The following PLPP3 variants were observed in gnomAD, a reference collection of about 807,000 sequenced individuals.
The protein encoded by PLPP3 is PAP2 beta.
A neutral mutation model predicts 29.6 loss-of-function variants in PLPP3; 6 were observed. The ratio of observed to expected loss-of-function variants is 0.20; its 90% CI spans 0.11 to 0.40. The LOEUF is 0.40. Among genes scored for constraint, PLPP3 ranks in the 10% least tolerant of loss-of-function variants. The pLI, the probability that PLPP3 is intolerant of heterozygous loss-of-function variation, is 1.00. For synonymous variants in PLPP3, 152 were observed against 159.7 expected (o/e 0.95, Z 0.36); for missense variants, 308 against 407.7 (o/e 0.76, Z 2.11).
intron 1 of PLPP3, among the ~76,000 whole-genome samples, chr1:56,574,409 C>G (rs967871603): frequency 6.6e-6 from 1 of 152,090 alleles, no homozygotes; most frequent in Non-Finnish European, 1.5e-5. Context: ...CTTGCACCAC[C>G]ACGCCCGGTT....
chr1:56,512,253 A>C (rs1645746268), intron 4 of PLPP3, 101 bp from the exon 5 acceptor site: 1 of 1,140,762 alleles, frequency 8.8e-7, no homozygotes. Context: ...AACAGGGATC[A>C]TCTGGACCTT....
chr1:56,548,221 C>T (rs945489136), intron 1 of PLPP3, among the ~76,000 whole-genome samples: 2 of 152,170 alleles, frequency 1.3e-5, no homozygotes, highest in African/African-American at 2.4e-5. Context: ...TGTCAATGTT[C>T]CTTTTGTAAA....
intron 5 of PLPP3, among the ~76,000 whole-genome samples, chr1:56,503,832 G>A (rs1458314335): frequency 6.6e-6 from 1 of 152,192 alleles, no homozygotes. Context: ...TCAGGCTGGA[G>A]TGCAGTGCAC....
chr1:56,538,106 A>T (rs1239943844), intron 1 of PLPP3, among the ~76,000 whole-genome samples: 1 of 152,138 alleles, frequency 6.6e-6, no homozygotes, highest in Non-Finnish European at 1.5e-5. Context: ...AGCATGTCAA[A>T]GCCTTGCTAA....
At chr1:56,568,702 T>C (rs940706823) in intron 1 of PLPP3, among the ~76,000 whole-genome samples, 2 of 152,138 alleles carry the variant, frequency 1.3e-5, no homozygotes, top group Non-Finnish European at 2.9e-5. Context: ...CTCGGCTTAC[T>C]GCAACCTCCG....
chr1:56,526,046 TAA>T (rs999672044), intron 2 of PLPP3, among the ~76,000 whole-genome samples: 6 of 152,128 alleles, frequency 3.9e-5, no homozygotes, highest in African/African-American at 1.2e-4. Flanking sequence ...GCTTTATATA[TAA>T]GAGCTACATT....
rs551273463 is a variant in PLPP3 at position 56,495,396 on chromosome 1, T to C, written c.*1155A>G. ...GGATGAGGGAAACTCTCTACCGAGATTTAACCCATATGTTCTGCCCAGCAG... is the reference window on the plus strand; with the variant it reads ...GGATGAGGGAAACTCTCTACCGAGACTTAACCCATATGTTCTGCCCAGCAG... On this transcript the variant is annotated 3_prime_UTR_variant, in exon 6 of 6. Coordinates refer to ENST00000371250, the MANE Select transcript of PLPP3 (RefSeq NM_003713.5). The C allele has an allele frequency of 6.5e-6, 1 of 152,722 alleles. No homozygotes were observed. Among genetic ancestry groups the C allele is most frequent in the East Asian group, 1.9e-4 (1 of 5,168 alleles). 9.5% of individuals were successfully genotyped at this position (152,722 alleles called of 1,614,324 possible).
intron 1 of PLPP3, among the ~76,000 whole-genome samples, chr1:56,565,928 T>C (rs1646158328): frequency 6.6e-6 from 1 of 152,192 alleles, no homozygotes; most frequent in Non-Finnish European, 1.5e-5. Context: ...TCGTTTATTT[T>C]TGCTAATCCA....
In PLPP3 at chr1:56,495,088, A is replaced by G. The variant is rs1184990403; in HGVS notation, c.*1463T>C. 6.6e-6 allele frequency: 1 copy of G among 152,530 alleles called. No individual in the cohort carries two copies. The highest frequency in any genetic ancestry group is 1.5e-5 in the Non-Finnish European group (1 of 68,026). 9.4% of individuals were successfully genotyped at this position (152,530 alleles called of 1,614,324 possible). A position where few individuals can be genotyped will look rare whatever the true frequency, so the allele number is the denominator to read the frequency against. ...ATAGTGGATATAGCTAAATTGTTTC[A>G]GAAATAATATCTTACATAGTTAACT... On this transcript the variant is annotated 3_prime_UTR_variant, in exon 6 of 6. Transcript: ENST00000371250.
At chr1:56,557,081 TGAGAGA>T (rs1304541221) in intron 1 of PLPP3, among the ~76,000 whole-genome samples, 5 of 106,944 alleles carry the variant, frequency 4.7e-5, no homozygotes, top group Non-Finnish European at 5.9e-5. Context: ...AAAGAAAAAA[TGAGAGA>T]GAGAGAAAGA....
chr1:56,573,929 C>T (rs1278831517), intron 1 of PLPP3, among the ~76,000 whole-genome samples: 8 of 152,086 alleles, frequency 5.3e-5, no homozygotes, highest in Admixed American at 1.3e-4. Context: ...GGGCCTGGCA[C>T]GGTGGCTCAC....
intron 2 of PLPP3, among the ~76,000 whole-genome samples, chr1:56,533,875 G>A (rs1398286930): frequency 6.6e-6 from 1 of 152,032 alleles, no homozygotes; most frequent in Non-Finnish European, 1.5e-5. Context: ...GTCAGATGAT[G>A]CCTAAGTTTG....
intron 1 of PLPP3, among the ~76,000 whole-genome samples, chr1:56,559,182 A>C (rs1646103854): frequency 2.0e-5 from 3 of 152,200 alleles, no homozygotes; most frequent in Admixed American, 2.0e-4. Context: ...GCAGAGAAGA[A>C]GGAGCGGGTG....
intron 1 of PLPP3, among the ~76,000 whole-genome samples, chr1:56,557,014 GAGAGAGAGA>G (rs1646084120): frequency 2.3e-4 from 3 of 12,948 alleles, no homozygotes; most frequent in Admixed American, 1.3e-3. Flanking sequence ...AAGAAAGAGA[GAGAGAGAGA>G]GAAAGAGAGA....
chr1:56,511,964 G>T lies in PLPP3; in HGVS notation c.810+12C>A, dbSNP rs776568037. 5 of 1,612,952 alleles carry T rather than the reference G, an allele frequency of 3.1e-6. No homozygotes were observed. Among genetic ancestry groups the T allele is most frequent in the Non-Finnish European group, 4.2e-6 (5 of 1,179,346 alleles). ...GGCTCCACTTGCATATTGAGGACAA[G>T]ATGCTACTTACTATGCAGCAGGCCA... On this transcript the variant is annotated intron_variant, in intron 5 of 5. Coordinates refer to ENST00000371250, the MANE Select transcript of PLPP3 (RefSeq NM_003713.5).
chr1:56,522,005 G>C (rs1645822740), intron 4 of PLPP3, among the ~76,000 whole-genome samples: 1 of 152,178 alleles, frequency 6.6e-6, no homozygotes, highest in African/African-American at 2.4e-5. Flanking sequence ...TATTCCTTAA[G>C]TTCAACCTGA....
intron 1 of PLPP3, among the ~76,000 whole-genome samples, chr1:56,560,045 C>A (rs1033856118): frequency 6.6e-6 from 1 of 152,164 alleles, no homozygotes; most frequent in Non-Finnish European, 1.5e-5. Flanking sequence ...CAGAAGCCTT[C>A]CCCCAGAGCC....
chr1:56,500,900 A>C (rs1265930994), intron 5 of PLPP3, among the ~76,000 whole-genome samples: 2 of 147,138 alleles, frequency 1.4e-5, no homozygotes, highest in Non-Finnish European at 3.0e-5. Flanking sequence ...GCTACTCGGG[A>C]GGCTGAGGTG....
intron 1 of PLPP3, among the ~76,000 whole-genome samples, chr1:56,537,648 C>T (rs1041334043): frequency 6.6e-6 from 1 of 152,034 alleles, no homozygotes; most frequent in Non-Finnish European, 1.5e-5. Context: ...TTTTTTCCCA[C>T]AGTAAAATGA....
Sources: allele counts gnomAD v4.1 joint callset (sites outside exome capture counted in the v4.1 genomes callset), GRCh38; gene constraint gnomAD v4.1.1; transcripts MANE v1.5; gene names NCBI Gene and HGNC (gene_info 2026-07-23, HGNC 2026-07-21).